The following MED13 variants were observed in gnomAD, a reference collection of about 807,000 sequenced individuals.
The protein encoded by MED13 is mediator of RNA polymerase II transcription subunit 13.
MED13 carries 23 observed loss-of-function variants against 225.2 expected under a neutral mutation model. The observed-to-expected ratio is 0.10, with a 90% CI of 0.07 to 0.14. The LOEUF (loss-of-function observed/expected upper bound fraction) is 0.14. Among genes scored for constraint, MED13 ranks in the 10% least tolerant of loss-of-function variants. MED13 has a pLI of 1.00. For synonymous variants in MED13, 942 were observed against 889.2 expected (o/e 1.06, Z -1.06); for missense variants, 2,197 against 2,594.5 (o/e 0.85, Z 3.33).
chr17:62,033,800 T>C lies in MED13; in HGVS notation c.801A>G (p.Val267=). 6.2e-7 allele frequency: 1 copy of C among 1,614,110 alleles called. No individual in the cohort carries two copies. The highest frequency in any genetic ancestry group is 2.2e-5 in the East Asian group (1 of 44,858). Residue 267 remains valine (V), a synonymous_variant, in exon 5 of 30, where the codon GTA becomes GTG. Transcript: ENST00000397786. ...MDWEDDSLAA[V]EVLVAGVRMI... is the part of the protein sequence containing the mutation. ...CAGGATCCATACCAACAAGAACTTC[T>C]ACTGCAGCTAAAGAATCATCTTCCC...
chr17:61,968,053 A>T lies in MED13; in HGVS notation c.4173T>A (p.Asp1391Glu). 2 of 1,611,642 alleles carry T rather than the reference A, an allele frequency of 1.2e-6. No individual in the cohort carries two copies. ...CACCTACCTCATATATTGCAGTAAGATCTCTAAAAAAGCTTTTTGCTCCAT... is the reference window on the plus strand; with the variant it reads ...CACCTACCTCATATATTGCAGTAAGTTCTCTAAAAAAGCTTTTTGCTCCAT... ...LLNGAKSFFR[D>E]LTAIYESCRL... The change falls in exon 18 of 30, where the codon GAT becomes GAA. Residue 1391 changes from aspartate to glutamate, a missense_variant. Transcript: ENST00000397786.
chr17:61,961,861 T>G, intron 21 of MED13, 82 bp from the exon 22 acceptor site: 1 of 1,281,172 alleles, frequency 7.8e-7, no homozygotes, highest in South Asian at 1.3e-5. Context: ...CTCTAAAAAC[T>G]TTTTACTAGA....
chr17:61,975,939 C>T (rs962351188), intron 16 of MED13, among the ~76,000 whole-genome samples: 1 of 152,080 alleles, frequency 6.6e-6, no homozygotes, highest in Admixed American at 6.5e-5. Context: ...TTGCTTGAAC[C>T]TGGGAGGTGG....
chr17:61,992,640 T>C lies in MED13; in HGVS notation c.2182-19A>G, dbSNP rs914123589. ...CTTCTACCTGCAAACAAATATTTCA[T>C]GTTAGGCTGAAATATATAATTTACC... On this transcript the variant is annotated intron_variant, in intron 10 of 29. Coordinates refer to ENST00000397786, the MANE Select transcript of MED13 (RefSeq NM_005121.3). The C allele has an allele frequency of 2.0e-6, 3 of 1,520,852 alleles. No individual in the cohort carries two copies. The highest frequency in any genetic ancestry group is 1.1e-5 in the South Asian group (1 of 87,732). The allele number at this position is 1,520,852 out of a possible 1,614,324, so 94.2% of individuals were successfully genotyped here.
intron 5 of MED13, 76 bp downstream of exon 5, chr17:62,033,707 CTTGT>C (rs2080777408): frequency 1.5e-6 from 2 of 1,344,294 alleles, no homozygotes; most frequent in East Asian, 2.3e-5. Context: ...AGTTATTAGA[CTTGT>C]TTGTTATTCA....
intron 26 of MED13, among the ~76,000 whole-genome samples, chr17:61,954,364 A>G (rs1385154713): frequency 1.3e-5 from 2 of 152,198 alleles, no homozygotes; most frequent in Non-Finnish European, 2.9e-5. Context: ...GTTTATATAA[A>G]TTACATTATT....
At chr17:62,003,304 T>C (rs2080413368) in intron 9 of MED13, among the ~76,000 whole-genome samples, 1 of 152,042 alleles carries the variant, frequency 6.6e-6, no homozygotes, top group African/African-American at 2.4e-5. Context: ...AAACAAGGCT[T>C]ATATCTAAAA....
intron 17 of MED13, among the ~76,000 whole-genome samples, chr17:61,968,617 G>A (rs1417140640): frequency 1.3e-5 from 2 of 152,172 alleles, no homozygotes; most frequent in Non-Finnish European, 2.9e-5. Flanking sequence ...GAGCCACCAT[G>A]CCCGGCCTCC....
In MED13 at chr17:61,987,514, T is replaced by G. The variant is rs550833530; in HGVS notation, c.2264-386A>C. 2.6e-5 allele frequency among the ~76,000 whole-genome samples: 4 copies of G among 152,214 alleles called. No homozygotes were observed. In the South Asian group the frequency reaches 6.2e-4, roughly 24 times the overall value. On this transcript the variant is annotated intron_variant, in intron 11 of 29. Coordinates refer to ENST00000397786, the MANE Select transcript of MED13 (RefSeq NM_005121.3). ...ATTCTTTTTAAATTAGACATATAACTTTAAGGTCATAAGGGGATTATGCAA... is the reference window on the plus strand; with the variant it reads ...ATTCTTTTTAAATTAGACATATAACGTTAAGGTCATAAGGGGATTATGCAA...
chr17:61,968,304 A>G, intron 17 of MED13, 46 bp from the exon 18 acceptor site: 1 of 1,272,598 alleles, frequency 7.9e-7, no homozygotes, highest in Non-Finnish European at 1.1e-6. Flanking sequence ...AAAACAAGAC[A>G]TGTCTCCTTT....
chr17:61,964,772 C>T (rs1237790481), intron 20 of MED13, among the ~76,000 whole-genome samples: 1 of 151,906 alleles, frequency 6.6e-6, no homozygotes, highest in Non-Finnish European at 1.5e-5. Context: ...CCTGTCTCTA[C>T]TAAAAATACA....
intron 3 of MED13, among the ~76,000 whole-genome samples, chr17:62,045,327 T>C (rs1479489987): frequency 6.6e-6 from 1 of 152,110 alleles, no homozygotes; most frequent in Non-Finnish European, 1.5e-5. Flanking sequence ...CTACAACAGA[T>C]TCAACATGAC....
chr17:61,999,301 T>C (rs2080373266), intron 9 of MED13, among the ~76,000 whole-genome samples: 1 of 152,180 alleles, frequency 6.6e-6, no homozygotes, highest in East Asian at 1.9e-4. Context: ...TCAAATACAG[T>C]TCTTTCTTTG....
rs573516821 is a variant in MED13, at chr17:61,952,371, A to G, written c.6117+594T>C. Among the ~76,000 whole-genome samples the G allele has an allele frequency of 8.5e-5, 13 of 152,234 alleles. No individual in the cohort carries two copies. In the South Asian group the frequency reaches 2.7e-3, roughly 32 times the overall value. ...TAATATTTTTATTATATTCCTTGTCACAGCCCTGATATGAATGGCTGCTCT... is the reference window on the plus strand; with the variant it reads ...TAATATTTTTATTATATTCCTTGTCGCAGCCCTGATATGAATGGCTGCTCT... On this transcript the variant is annotated intron_variant, in intron 27 of 29. Coordinates refer to ENST00000397786, the MANE Select transcript of MED13 (RefSeq NM_005121.3).
chr17:61,983,376 T>C (rs1172963883), intron 15 of MED13, among the ~76,000 whole-genome samples: 2 of 152,156 alleles, frequency 1.3e-5, no homozygotes, highest in African/African-American at 4.8e-5. Context: ...TACCTAGACA[T>C]CCATATTTAC....
Position 61,987,052 on chromosome 17 carries a change from A to G in MED13, c.2340T>C (p.Tyr780=), listed in dbSNP as rs367581151. The change falls in exon 12 of 30, where the codon TAT becomes TAC. Residue 780 remains tyrosine (Y), a synonymous_variant. Transcript: ENST00000397786. ...LIYDSDLAVS[Y]TDLDNLFNSD... ...AATTGAAGAGATTATCAAGGTCAGT[A>G]TAAGAGACAGCCAGGTCTGAGTCAT... The G allele has an allele frequency of 6.2e-6, 10 of 1,607,850 alleles. No homozygotes were observed. Among genetic ancestry groups the G allele is most frequent in the South Asian group, 5.5e-5 (5 of 90,408 alleles).
intron 11 of MED13, among the ~76,000 whole-genome samples, chr17:61,988,169 C>T: frequency 6.6e-6 from 1 of 152,172 alleles, no homozygotes; most frequent in East Asian, 1.9e-4. Flanking sequence ...CGACAAATTA[C>T]TTAATGTCTC....
At chr17:61,967,911 G>C (rs1269139588) in intron 18 of MED13, 124 bp downstream of exon 18, 1 of 737,290 alleles carries the variant, frequency 1.4e-6, no homozygotes, top group African/African-American at 1.8e-5. Flanking sequence ...GCTAGTATGA[G>C]AAATAAACAT....
At position 61,961,117 on chromosome 17, in the gene MED13, T is replaced by C. The variant is rs371591437; in HGVS notation, c.5257-27A>G. ...TATAAAATAAAAAATTAAGGTATTA[T>C]CATACTATACAATCTTAGAGAAATA... On this transcript the variant is annotated intron_variant, in intron 22 of 29. Coordinates refer to ENST00000397786, the MANE Select transcript of MED13 (RefSeq NM_005121.3). 22 of 1,489,118 alleles carry C rather than the reference T, an allele frequency of 1.5e-5. No homozygotes were observed. The South Asian group carries it at 2.5e-4, about 17-fold the overall frequency. 92.2% of individuals were successfully genotyped at this position (1,489,118 alleles called of 1,614,324 possible).
Sources: allele counts gnomAD v4.1 joint callset (sites outside exome capture counted in the v4.1 genomes callset), GRCh38; gene constraint gnomAD v4.1.1; transcripts MANE v1.5; gene names NCBI Gene and HGNC (gene_info 2026-07-23, HGNC 2026-07-21).